Variants in GON7 observed in about 807,000 individuals in gnomAD.
GON7 encodes GON7 subunit of KEOPS complex, also known as EKC/KEOPS complex subunit GON7.
A neutral mutation model predicts 7.6 loss-of-function variants in GON7; 2 were observed. The ratio of observed to expected loss-of-function variants is 0.26; its 90% CI spans 0.11 to 0.83. GON7 has a LOEUF of 0.83. Ranked by LOEUF, GON7 falls within the 40% of genes least tolerant of loss-of-function variation. The pLI is 0.65. For missense variants in GON7, 121 were observed against 132.2 expected (o/e 0.92, Z 0.42); for synonymous variants, 54 against 56.6 (o/e 0.95, Z 0.20).
rs745451666 is a variant in GON7, at chr14:93,203,637, T to G, written c.*51A>C. ...CATAAGTCTTCCTTAAATGTCCTAG[T>G]GTGACAATAAGGATACAACAGCCAT... is the stretch of plus-strand genomic sequence containing the variant. On this transcript the variant is annotated 3_prime_UTR_variant, in exon 2 of 2. Coordinates refer to ENST00000306954, the MANE Select transcript of GON7 (RefSeq NM_032490.5). 6.9e-7 allele frequency: 1 copy of G among 1,447,100 alleles called. No homozygotes were observed. The highest frequency in any genetic ancestry group is 1.2e-5 in the South Asian group (1 of 86,906). 89.6% of individuals were successfully genotyped at this position (1,447,100 alleles called of 1,614,324 possible). A position where few individuals can be genotyped will look rare whatever the true frequency, so the allele number is the denominator to read the frequency against.
In GON7 at chr14:93,203,745, A is replaced by G. The variant is rs1894292027; in HGVS notation, c.246T>C (p.Ile82=). Reference sequence around the variant, plus strand: ...GTCCATCGAAGTTAGTTCTGTTATCAATGTTATTTTCATCTTCTGCATCAT... The same window carrying G: ...GTCCATCGAAGTTAGTTCTGTTATCGATGTTATTTTCATCTTCTGCATCAT... ...DEDDAEDENN[I]DNRTNFDGPS... The change falls in exon 2 of 2, where the codon ATT becomes ATC. Residue 82 remains isoleucine (I), a synonymous_variant. Coordinates refer to ENST00000306954, the MANE Select transcript of GON7 (RefSeq NM_032490.5). 6.2e-7 allele frequency: 1 copy of G among 1,613,980 alleles called. No homozygotes were observed. The highest frequency in any genetic ancestry group is 8.5e-7 in the Non-Finnish European group (1 of 1,179,972).
At chr14:93,206,792 C>A in intron 1 of GON7, 38 bp downstream of exon 1, 1 of 1,576,098 alleles carries the variant, frequency 6.3e-7, no homozygotes, top group East Asian at 2.3e-5. Flanking sequence ...GGCGCCCGCC[C>A]CGTCCTCCGG....
At chr14:93,204,623 C>G (rs1894307501) in intron 1 of GON7, among the ~76,000 whole-genome samples, 1 of 152,168 alleles carries the variant, frequency 6.6e-6, no homozygotes, top group Non-Finnish European at 1.5e-5. Flanking sequence ...TTTGCCTATT[C>G]TGTACATTCA....
intron 1 of GON7, among the ~76,000 whole-genome samples, chr14:93,205,854 T>A (rs914414929): frequency 2.6e-5 from 4 of 152,200 alleles, no homozygotes; most frequent in Admixed American, 2.0e-4. Context: ...TACTCTGCGA[T>A]AGATTGTACT....
intron 1 of GON7, 129 bp downstream of exon 1, chr14:93,206,701 T>C (rs1894352240): frequency 1.9e-6 from 2 of 1,061,528 alleles, no homozygotes. Flanking sequence ...CAAAAATTTT[T>C]AGATGCAATT....
At chr14:93,206,793 C>A (rs1894354421) in intron 1 of GON7, 37 bp downstream of exon 1, 1 of 1,577,054 alleles carries the variant, frequency 6.3e-7, no homozygotes, top group Non-Finnish European at 8.6e-7. Context: ...GCGCCCGCCC[C>A]GTCCTCCGGT....
At chr14:93,205,407 C>T (rs1034113507) in intron 1 of GON7, among the ~76,000 whole-genome samples, 6 of 152,218 alleles carry the variant, frequency 3.9e-5, no homozygotes, top group African/African-American at 9.6e-5. Context: ...TGGTGGCTCA[C>T]GCCTGTAATC....
At chr14:93,205,261 T>C (rs916678863) in intron 1 of GON7, among the ~76,000 whole-genome samples, 1 of 152,236 alleles carries the variant, frequency 6.6e-6, no homozygotes, top group Non-Finnish European at 1.5e-5. Flanking sequence ...ACATCCATAT[T>C]ATCAAGATGT....
Position 93,203,694 on chromosome 14 carries a change from C to T in GON7, c.297G>A (p.Pro99=), listed in dbSNP as rs114819010. Residue 99 remains proline (P), a synonymous_variant, in exon 2 of 2, where the codon CCG becomes CCA. Transcript: ENST00000306954. ...DGPSAKRPKT[P]S ...AATGTCATGAAGGCTATTGTTAAGA[C>T]GGTGTTTTTGGCCGTTTTGCAGATG... is the stretch of plus-strand genomic sequence containing the variant. The T allele has an allele frequency of 1.2e-4, 192 of 1,613,512 alleles. No homozygotes were observed. The African/African-American group carries it at 1.7e-3, about 14-fold the overall frequency.
At chr14:93,205,666 CAAA>C (rs749347487) in intron 1 of GON7, among the ~76,000 whole-genome samples, 1 of 124,428 alleles carries the variant, frequency 8.0e-6, no homozygotes. Flanking sequence ...GACTCCATCT[CAAA>C]AAAAAAAAAA....
intron 1 of GON7, 63 bp downstream of exon 1, chr14:93,206,767 A>T: frequency 6.7e-7 from 1 of 1,502,604 alleles, no homozygotes; most frequent in Non-Finnish European, 9.0e-7. Flanking sequence ...GGGCTCCCCA[A>T]GCCAATTTCC....
intron 1 of GON7, among the ~76,000 whole-genome samples, chr14:93,206,014 CT>C (rs899338161): frequency 7.2e-4 from 109 of 150,724 alleles, no homozygotes; most frequent in African/African-American, 2.7e-3. Flanking sequence ...CTTTTTTTTT[CT>C]TTTTTTTTGA....
Position 93,206,873 on chromosome 14 carries a change from T to A in GON7, c.165A>T (p.Glu55Asp). The A allele has an allele frequency of 6.2e-7, 1 of 1,614,138 alleles. No individual in the cohort carries two copies. The highest frequency in any genetic ancestry group is 1.1e-5 in the South Asian group (1 of 91,080). The part of the protein sequence containing the change: ...TELFDPLVQG[E>D]VQHRVAAAPD... ...GAGCCGCCGCCACCCGGTGCTGCACTTCCCCCTGTACCAGAGGGTCGAATA... is the reference window on the plus strand; with the variant it reads ...GAGCCGCCGCCACCCGGTGCTGCACATCCCCCTGTACCAGAGGGTCGAATA... Residue 55 changes from glutamate (E) to aspartate (D), a missense_variant, in exon 1 of 2, where the codon GAA becomes GAT. Transcript: ENST00000306954.
Position 93,206,903 on chromosome 14 carries a change from C to T in GON7, c.135G>A (p.Thr45=), listed in dbSNP as rs987264635. The change falls in exon 1 of 2, where the codon ACG becomes ACA. Residue 45 remains threonine, a synonymous_variant. Coordinates refer to ENST00000306954, the MANE Select transcript of GON7 (RefSeq NM_032490.5). ...CCTGTACCAGAGGGTCGAATAATTCCGTTACCATGTCCTTCATCTGGGCCA... is the reference window on the plus strand; with the variant it reads ...CCTGTACCAGAGGGTCGAATAATTCTGTTACCATGTCCTTCATCTGGGCCA... ...SGVAQMKDMV[T]ELFDPLVQGE... is the part of the protein sequence containing the mutation. The T allele has an allele frequency of 1.9e-6, 3 of 1,614,222 alleles. No homozygotes were observed. Among genetic ancestry groups the T allele is most frequent in the Admixed American group, 1.7e-5 (1 of 60,032 alleles).
Sources: allele counts gnomAD v4.1 joint callset (sites outside exome capture counted in the v4.1 genomes callset), GRCh38; gene constraint gnomAD v4.1.1; transcripts MANE v1.5; gene names NCBI Gene and HGNC (gene_info 2026-07-23, HGNC 2026-07-21).